CDR2L: variants seen among roughly 807,000 people sequenced by gnomAD.
CDR2L encodes cerebellar degeneration related protein 2 like.
CDR2L carries 19 observed loss-of-function variants against 36.1 expected under a neutral mutation model. The observed-to-expected ratio is 0.53, with a 90% CI of 0.37 to 0.77. The LOEUF is 0.77. Ranked by LOEUF, CDR2L falls within the 30% of genes least tolerant of loss-of-function variation. The probability of loss-of-function intolerance (pLI) is 0.00; values close to 1 mark genes in which losing one functional copy is unlikely to be tolerated. For missense variants in CDR2L, 575 were observed against 627.2 expected (o/e 0.92, Z 0.89); for synonymous variants, 285 against 280.4 (o/e 1.02, Z -0.16).
chr17:75,002,064 G>C lies in CDR2L; in HGVS notation c.342G>C (p.Gly114=), dbSNP rs1164767326. 1 of 1,581,892 alleles carries C rather than the reference G, an allele frequency of 6.3e-7. No homozygotes were observed. Among genetic ancestry groups the C allele is most frequent in the African/African-American group, 1.4e-5 (1 of 73,632 alleles). Residue 114 remains glycine (G), a splice_region_variant and synonymous_variant, in exon 4 of 5, where the codon GGG becomes GGC. Coordinates refer to ENST00000337231, the MANE Select transcript of CDR2L (RefSeq NM_014603.3). The surrounding 1 kb of genome is among the most constrained non-coding windows in gnomAD (Gnocchi z 4.1). ...ESKAAQQKIH[G]LTETIERLQA... is the part of the protein sequence containing the mutation. ...TGTGTGTCCACCACCCCGCCCCCAG[G>C]CTGACGGAGACCATTGAGCGCCTCC... is the stretch of plus-strand genomic sequence containing the variant.
intron 1 of CDR2L, among the ~76,000 whole-genome samples, chr17:74,993,890 A>T (rs148986270): frequency 1.3e-5 from 2 of 152,190 alleles, no homozygotes; most frequent in African/African-American, 2.4e-5. Context: ...CTCTGTGCAC[A>T]GGATCAGACT....
rs751890976 is a variant in CDR2L at position 74,987,998 on chromosome 17, G to GC, written c.-43dup. ...GCATTGTCCCGGGCCGCGCGCACCG[G>GC]CCCTGAGCTGCGCCGCCGCAGCACC... On this transcript the variant is annotated 5_prime_UTR_variant, in exon 1 of 5. It removes the in-frame stop codon of an upstream open reading frame in the 5' UTR. Coordinates refer to ENST00000337231, the MANE Select transcript of CDR2L (RefSeq NM_014603.3). 1.4e-3 allele frequency: 1,826 copies of GC among 1,326,934 alleles called. 4 individuals are homozygous for GC. The highest frequency in any genetic ancestry group is 1.5e-3 in the Non-Finnish European group (1,498 of 985,284). 82.2% of individuals were successfully genotyped at this position (1,326,934 alleles called of 1,614,324 possible).
In CDR2L at chr17:75,004,851, C is replaced by CT. The variant is rs2039893758; in HGVS notation, c.*778dup. The CT allele has an allele frequency of 6.5e-6, 1 of 153,124 alleles. No individual in the cohort carries two copies. Among genetic ancestry groups the CT allele is most frequent in the African/African-American group, 2.4e-5 (1 of 41,476 alleles). The allele number at this position is 153,124 out of a possible 1,614,324, so 9.5% of individuals were successfully genotyped here. A position where few individuals can be genotyped will look rare whatever the true frequency, so the allele number is the denominator to read the frequency against. Reference sequence around the variant, plus strand: ...TGGCTTCCAACCCCAGAAATGCCTGCTGGGCCTTAAGCTTTCCAGGGGCCG... The same window carrying CT: ...TGGCTTCCAACCCCAGAAATGCCTGCTTGGGCCTTAAGCTTTCCAGGGGCCG... On this transcript the variant is annotated 3_prime_UTR_variant, in exon 5 of 5. Transcript: ENST00000337231.
chr17:74,997,836 C>A (rs2039839652), intron 1 of CDR2L, among the ~76,000 whole-genome samples: 1 of 151,440 alleles, frequency 6.6e-6, no homozygotes, highest in South Asian at 2.1e-4. Flanking sequence ...ATGGTGAGAC[C>A]CCCTCTCTAC....
chr17:75,004,771 G>A lies in CDR2L; in HGVS notation c.*697G>A, dbSNP rs1858300558. ...GCAGATCTGTAGCCAGTCAGAGGAG[G>A]AGGAGAAGGAGCCCCTCAGCAGAGT... On this transcript the variant is annotated 3_prime_UTR_variant, in exon 5 of 5. Coordinates refer to ENST00000337231, the MANE Select transcript of CDR2L (RefSeq NM_014603.3). 6.5e-6 allele frequency: 1 copy of A among 152,796 alleles called. No individual in the cohort carries two copies. Among genetic ancestry groups the A allele is most frequent in the Middle Eastern group, 3.1e-3 (1 of 318 alleles). The allele number at this position is 152,796 out of a possible 1,614,324, so 9.5% of individuals were successfully genotyped here. A position where few individuals can be genotyped will look rare whatever the true frequency, so the allele number is the denominator to read the frequency against.
rs2039877842 is a variant in CDR2L, at chr17:75,003,224, T to TGGGCCGC, written c.553_554insGCGGGCC (p.Pro185ArgfsTer102). 1 of 1,566,468 alleles carries TGGGCCGC rather than the reference T, an allele frequency of 6.4e-7. No individual in the cohort carries two copies. The highest frequency in any genetic ancestry group is 1.4e-5 in the African/African-American group (1 of 73,660). The stretch of plus-strand genomic sequence containing the variant: ...CGCCTACACAGTTCCTCCCTGGAGC[T>TGGGCCGC]GGGCCCGCGGCCCCTGGAGCAGGAG... On this transcript the variant is annotated frameshift_variant, in exon 5 of 5. Transcript: ENST00000337231. LOFTEE classifies it high-confidence loss of function.
rs61110164 is a variant in CDR2L at position 74,989,410 on chromosome 17, AACAC to A, written c.79+1322_79+1325del. On this transcript the variant is annotated intron_variant, in intron 1 of 4. Coordinates refer to ENST00000337231, the MANE Select transcript of CDR2L (RefSeq NM_014603.3). The surrounding 1 kb of genome is among the most constrained non-coding windows in gnomAD (Gnocchi z 4.2). ...CTGAAATGAGATACAGCTCCTCTCA[AACAC>A]ACACACACACACACACACACACACA... Among the ~76,000 whole-genome samples, 406 of 130,762 alleles carry A rather than the reference AACAC, an allele frequency of 3.1e-3. No individual in the cohort carries two copies. Among genetic ancestry groups the A allele is most frequent in the Non-Finnish European group, 3.7e-3 (231 of 62,728 alleles). The allele number at this position is 130,762 out of a possible 152,430, so 85.8% of individuals were successfully genotyped here. A position where few individuals can be genotyped will look rare whatever the true frequency, so the allele number is the denominator to read the frequency against.
At position 75,004,025 on chromosome 17, in the gene CDR2L, CCAAGGCTGACAT is replaced by C. The variant is rs1253172566; in HGVS notation, c.1353_1364del (p.Lys451_Ile454del). On this transcript the variant is annotated inframe_deletion, in exon 5 of 5. Coordinates refer to ENST00000337231, the MANE Select transcript of CDR2L (RefSeq NM_014603.3). Reference sequence around the variant, plus strand: ...GAGATCTTCTCCAGGATCCAGAAGACCAAGGCTGACATCAACGCCACCAAAGTCAAGACGCAC... The same window carrying C: ...GAGATCTTCTCCAGGATCCAGAAGACCAACGCCACCAAAGTCAAGACGCAC... 6.2e-7 allele frequency: 1 copy of C among 1,610,806 alleles called. No individual in the cohort carries two copies. Among genetic ancestry groups the C allele is most frequent in the Non-Finnish European group, 8.5e-7 (1 of 1,178,802 alleles).
intron 1 of CDR2L, 65 bp downstream of exon 1, chr17:74,988,187 A>G: frequency 1.6e-6 from 2 of 1,217,190 alleles, no homozygotes; most frequent in Non-Finnish European, 2.2e-6. Context: ...CCGCTTCTCC[A>G]TTGTTGGGCG....
At chr17:74,993,971 C>T (rs2039811195) in intron 1 of CDR2L, among the ~76,000 whole-genome samples, 1 of 152,226 alleles carries the variant, frequency 6.6e-6, no homozygotes, top group African/African-American at 2.4e-5. Flanking sequence ...CCCTCTGCCT[C>T]TCACAAGGCA....
At chr17:74,999,436 G>A (rs2039850851) in intron 1 of CDR2L, 68 bp from the exon 2 acceptor site, 1 of 1,086,238 alleles carries the variant, frequency 9.2e-7, no homozygotes, top group South Asian at 1.5e-5. Flanking sequence ...GTCACCTAGA[G>A]TAGATGCTCG....
chr17:74,997,835 C>T (rs146260437), intron 1 of CDR2L, among the ~76,000 whole-genome samples: 1 of 151,162 alleles, frequency 6.6e-6, no homozygotes, highest in Non-Finnish European at 1.5e-5. Flanking sequence ...CATGGTGAGA[C>T]CCCCTCTCTA....
intron 1 of CDR2L, among the ~76,000 whole-genome samples, chr17:74,988,854 AG>A (rs1055034902): frequency 2.6e-5 from 4 of 152,156 alleles, no homozygotes; most frequent in Non-Finnish European, 5.9e-5. Flanking sequence ...GAGGACAGAA[AG>A]GGCGACTGGA....
chr17:74,992,571 C>G (rs2039803438), intron 1 of CDR2L, among the ~76,000 whole-genome samples: 1 of 152,182 alleles, frequency 6.6e-6, no homozygotes, highest in Non-Finnish European at 1.5e-5. Flanking sequence ...CTGGTGTCTT[C>G]TCCCTAGTAC....
chr17:75,003,825 C>A lies in CDR2L; in HGVS notation c.1149C>A (p.His383Gln). 6.4e-7 allele frequency: 1 copy of A among 1,557,446 alleles called. No individual in the cohort carries two copies. The highest frequency in any genetic ancestry group is 8.7e-7 in the Non-Finnish European group (1 of 1,151,430). Reference protein sequence around the residue: ...KCRQHGAGVRHAGVQTSRPIS... With the variant: ...KCRQHGAGVRQAGVQTSRPIS... ...GGCAGCACGGGGCCGGAGTGCGGCA[C>A]GCCGGCGTGCAGACCTCGCGCCCCA... Residue 383 changes from histidine (H) to glutamine (Q), a missense_variant, in exon 5 of 5, where the codon CAC (histidine) becomes CAA (glutamine). His to Gln is a conservative substitution (Grantham distance 24, BLOSUM62 0). Transcript: ENST00000337231.
rs765449571 is a variant in CDR2L at position 75,003,812 on chromosome 17, C to T, written c.1136C>T (p.Ala379Val). 12 of 1,549,744 alleles carry T rather than the reference C, an allele frequency of 7.7e-6. No homozygotes were observed. The highest frequency in any genetic ancestry group is 9.6e-6 in the Non-Finnish European group (11 of 1,146,936). The change falls in exon 5 of 5, where the codon GCC becomes GTC. Residue 379 changes from alanine to valine, a missense_variant. Ala to Val is a moderately conservative substitution (Grantham distance 64, BLOSUM62 0). Transcript: ENST00000337231. ...CTGAGCAAGTGCCGGCAGCACGGGG[C>T]CGGAGTGCGGCACGCCGGCGTGCAG... ...ELLSKCRQHG[A>V]GVRHAGVQTS...
chr17:75,004,002 G>A lies in CDR2L; in HGVS notation c.1326G>A (p.Glu442=). The change falls in exon 5 of 5, where the codon GAG becomes GAA. Residue 442 remains glutamate, a synonymous_variant. Transcript: ENST00000337231. ...SQPEYKALFK[E]IFSRIQKTKA... is the part of the protein sequence containing the mutation. ...CCGAGTACAAGGCGCTCTTCAAAGA[G>A]ATCTTCTCCAGGATCCAGAAGACCA... is the stretch of plus-strand genomic sequence containing the variant. 6.2e-7 allele frequency: 1 copy of A among 1,610,574 alleles called. No homozygotes were observed. The highest frequency in any genetic ancestry group is 2.2e-5 in the East Asian group (1 of 44,746).
At chr17:74,999,374 G>C in intron 1 of CDR2L, 130 bp from the exon 2 acceptor site, 2 of 633,164 alleles carry the variant, frequency 3.2e-6, no homozygotes, top group South Asian at 3.4e-5. Flanking sequence ...TTAGCTCCTG[G>C]CTTACCTCTC....
intron 1 of CDR2L, 44 bp from the exon 2 acceptor site, chr17:74,999,460 C>A: frequency 2.3e-6 from 3 of 1,309,840 alleles, no homozygotes; most frequent in Non-Finnish European, 2.1e-6. Context: ...CATGAATGGG[C>A]GTCCTCTGCC....
Sources: allele counts gnomAD v4.1 joint callset (sites outside exome capture counted in the v4.1 genomes callset), GRCh38; gene constraint gnomAD v4.1.1; non-coding constraint Gnocchi (gnomAD v3.1); transcripts MANE v1.5; gene names NCBI Gene and HGNC (gene_info 2026-07-23, HGNC 2026-07-21).